Variants in CDH6 observed in about 807,000 individuals in gnomAD.
CDH6 encodes cadherin-6.
CDH6 carries 31 observed loss-of-function variants against 78.0 expected under a neutral mutation model. The observed-to-expected ratio is 0.40, with a 90% CI of 0.30 to 0.54. The LOEUF (loss-of-function observed/expected upper bound fraction) is 0.54. Ranked by LOEUF, CDH6 falls within the 20% of genes least tolerant of loss-of-function variation. CDH6 has a pLI of 0.56. For missense variants in CDH6, 724 were observed against 975.9 expected, an observed-to-expected ratio of 0.74 and a Z score of 3.44; for synonymous variants, 376 against 368.8, an observed-to-expected ratio of 1.02 and a Z score of -0.23.
chr5:31,244,607 G>A (rs190621341), intron 1 of CDH6, among the ~76,000 whole-genome samples: 1 of 152,274 alleles, frequency 6.6e-6, no homozygotes, highest in East Asian at 1.9e-4. Flanking sequence ...GCTTCACTGG[G>A]ATCAGCAAGA....
chr5:31,327,596 C>T lies in CDH6; in HGVS notation c.*4288C>T, dbSNP rs1452421028. On this transcript the variant is annotated 3_prime_UTR_variant, in exon 12 of 12. Transcript: ENST00000265071. ...GATTATAAGAGTAGAAAAATTAACACTTGGTGTGTGAATCTTCAGGAAAAT... is the reference window on the plus strand; with the variant it reads ...GATTATAAGAGTAGAAAAATTAACATTTGGTGTGTGAATCTTCAGGAAAAT... The T allele has an allele frequency of 1.0e-5, 2 of 196,794 alleles. No homozygotes were observed. Among genetic ancestry groups the T allele is most frequent in the Non-Finnish European group, 2.1e-5 (2 of 94,952 alleles). 12.2% of individuals were successfully genotyped at this position (196,794 alleles called of 1,614,324 possible). A position where few individuals can be genotyped will look rare whatever the true frequency, so the allele number is the denominator to read the frequency against.
At chr5:31,262,505 A>T (rs1206699211) in intron 1 of CDH6, among the ~76,000 whole-genome samples, 2 of 152,246 alleles carry the variant, frequency 1.3e-5, no homozygotes, top group Admixed American at 1.3e-4. Flanking sequence ...TAGTCTATTA[A>T]GCAGCCTTTT....
At chr5:31,322,092 A>T (rs1398361698) in intron 11 of CDH6, among the ~76,000 whole-genome samples, 1 of 152,222 alleles carries the variant, frequency 6.6e-6, no homozygotes, top group Admixed American at 6.5e-5. Flanking sequence ...ACCTTTGAAA[A>T]ATAAAAAATA....
chr5:31,305,860 C>A lies in CDH6; in HGVS notation c.1253+433C>A, dbSNP rs1737978061. Among the ~76,000 whole-genome samples the A allele has an allele frequency of 2.0e-5, 3 of 151,484 alleles. No homozygotes were observed. The South Asian group carries it at 6.3e-4, about 32-fold the overall frequency. ...TTTTATTGTTTGCTTTTTGTTTTTT[C>A]CAAACATTTTTTATTTCCAGTTGGT... On this transcript the variant is annotated intron_variant, in intron 7 of 11. Coordinates refer to ENST00000265071, the MANE Select transcript of CDH6 (RefSeq NM_004932.4).
chr5:31,227,091 CA>C (rs1406045429), intron 1 of CDH6, among the ~76,000 whole-genome samples: 2 of 152,190 alleles, frequency 1.3e-5, no homozygotes, highest in East Asian at 3.9e-4. Context: ...CAGGGCTCCT[CA>C]AACTCCAAAG....
Position 31,288,524 on chromosome 5 carries a change from C to T in CDH6, c.229-5438C>T, listed in dbSNP as rs1425305308. 5.9e-5 allele frequency among the ~76,000 whole-genome samples: 9 copies of T among 152,228 alleles called. No individual in the cohort carries two copies. In the South Asian group the frequency reaches 6.2e-4, roughly 11 times the overall value. On this transcript the variant is annotated intron_variant, in intron 2 of 11. Coordinates refer to ENST00000265071, the MANE Select transcript of CDH6 (RefSeq NM_004932.4). ...CAACACTGTCTATTTATTAGCATTA[C>T]GTATACATGCATTATATATAAAGAT...
chr5:31,253,461 G>A (rs1169633426), intron 1 of CDH6, among the ~76,000 whole-genome samples: 6 of 152,132 alleles, frequency 3.9e-5, no homozygotes, highest in Non-Finnish European at 8.8e-5. Flanking sequence ...TGAATTGTGA[G>A]CCAATTAAGC....
In CDH6 at chr5:31,302,958, G is replaced by GAAA. The variant is rs1561066578; in HGVS notation, c.999+660_999+661insAAA. Among the ~76,000 whole-genome samples the GAAA allele has an allele frequency of 3.2e-3, 336 of 106,106 alleles. 3 individuals carry two copies. Among genetic ancestry groups the GAAA allele is most frequent in the South Asian group, 9.5e-3 (33 of 3,480 alleles). The allele number at this position is 106,106 out of a possible 152,430, so 69.6% of individuals were successfully genotyped here. A position where few individuals can be genotyped will look rare whatever the true frequency, so the allele number is the denominator to read the frequency against. On this transcript the variant is annotated intron_variant, in intron 6 of 11. Transcript: ENST00000265071. ...AAGAAAGAAAGAAAGAAAGAAAGAAGGAAAGAAAAGAAAGAAAGAAAGAAA... is the reference window on the plus strand; with the variant it reads ...AAGAAAGAAAGAAAGAAAGAAAGAAGAAAGAAAGAAAAGAAAGAAAGAAAGAAA...
chr5:31,257,453 G>A lies in CDH6; in HGVS notation c.-128-9893G>A, dbSNP rs181279513. Among the ~76,000 whole-genome samples, 892 of 152,310 alleles carry A rather than the reference G, an allele frequency of 5.9e-3. 7 individuals are homozygous for A. The highest frequency in any genetic ancestry group is 0.02 in the African/African-American group (836 of 41,564). ...GCTAGGATTACAGGCGTGAGCCACC[G>A]CGCCTGGCCACATGTTCGTTTTTAT... On this transcript the variant is annotated intron_variant, in intron 1 of 11. Transcript: ENST00000265071.
chr5:31,323,369 T>C lies in CDH6; in HGVS notation c.*61T>C. ...AATATGTGAAGTGGCTATTTCTTTA[T>C]ATTTATCCACTACTCCGTGAAGGCT... On this transcript the variant is annotated 3_prime_UTR_variant, in exon 12 of 12. Transcript: ENST00000265071. 2 of 1,539,860 alleles carry C rather than the reference T, an allele frequency of 1.3e-6. No individual in the cohort carries two copies. Among genetic ancestry groups the C allele is most frequent in the Non-Finnish European group, 1.8e-6 (2 of 1,136,798 alleles).
At chr5:31,195,984 G>A (rs183183476) in intron 1 of CDH6, among the ~76,000 whole-genome samples, 9 of 152,328 alleles carry the variant, frequency 5.9e-5, no homozygotes, top group Admixed American at 5.9e-4. Context: ...TTACAAGAAA[G>A]TGACAGTTTG....
intron 1 of CDH6, among the ~76,000 whole-genome samples, chr5:31,240,571 C>G (rs1741571013): frequency 6.6e-6 from 1 of 152,176 alleles, no homozygotes; most frequent in Admixed American, 6.5e-5. Context: ...AGCAGCTCCA[C>G]TAAGAATACC....
At chr5:31,253,165 A>C (rs1309807196) in intron 1 of CDH6, among the ~76,000 whole-genome samples, 1 of 152,172 alleles carries the variant, frequency 6.6e-6, no homozygotes, top group Non-Finnish European at 1.5e-5. Flanking sequence ...CAGGGATCTC[A>C]TATGGTTTGG....
intron 1 of CDH6, among the ~76,000 whole-genome samples, chr5:31,205,280 C>A (rs1305279457): frequency 6.6e-6 from 1 of 152,170 alleles, no homozygotes. Flanking sequence ...CTCATGCTAA[C>A]AACTTAATTT....
At chr5:31,255,716 C>T (rs550561416) in intron 1 of CDH6, among the ~76,000 whole-genome samples, 9 of 152,134 alleles carry the variant, frequency 5.9e-5, no homozygotes, top group Non-Finnish European at 1.3e-4. Flanking sequence ...AGGGAAGAAA[C>T]CTTTTGGTGT....
At chr5:31,275,794 G>A (rs143837882) in intron 2 of CDH6, among the ~76,000 whole-genome samples, 1 of 152,108 alleles carries the variant, frequency 6.6e-6, no homozygotes, top group Non-Finnish European at 1.5e-5. Context: ...TAAACCATGG[G>A]TGTTTTTCAT....
At chr5:31,292,935 G>A (rs1276739337) in intron 2 of CDH6, among the ~76,000 whole-genome samples, 1 of 150,244 alleles carries the variant, frequency 6.7e-6, no homozygotes, top group Non-Finnish European at 1.5e-5. Context: ...CCATCTAAAG[G>A]TATCATCTAA....
chr5:31,241,463 G>A (rs78330866), intron 1 of CDH6, among the ~76,000 whole-genome samples: 6,834 of 152,348 alleles, frequency 0.045, 245 homozygotes, highest in Non-Finnish European at 0.068. Context: ...TTGACCCAAG[G>A]GGTTAGCTTT....
chr5:31,279,736 G>C (rs1198822822), intron 2 of CDH6, among the ~76,000 whole-genome samples: 1 of 152,144 alleles, frequency 6.6e-6, no homozygotes, highest in African/African-American at 2.4e-5. Flanking sequence ...CTGCCTCGGG[G>C]GTGGCAGAGG....
Sources: allele counts gnomAD v4.1 joint callset (sites outside exome capture counted in the v4.1 genomes callset), GRCh38; gene constraint gnomAD v4.1.1; transcripts MANE v1.5; gene names NCBI Gene and HGNC (gene_info 2026-07-23, HGNC 2026-07-21).